Variants in ERBB4 observed in about 807,000 individuals in gnomAD.
ERBB4 encodes erb-b2 receptor tyrosine kinase 4.
Under a neutral mutation model 158.0 loss-of-function variants are expected in ERBB4, and 42 were observed. That is an observed-to-expected ratio of 0.27 (90% CI 0.21 to 0.34). The LOEUF is 0.34. Among genes scored for constraint, ERBB4 ranks in the 10% least tolerant of loss-of-function variants. ERBB4 has a pLI of 1.00. For synonymous variants in ERBB4, 583 were observed against 558.7 expected, an observed-to-expected ratio of 1.04 and a Z score of -0.61; for missense variants, 1,333 against 1,624.1, an observed-to-expected ratio of 0.82 and a Z score of 3.08.
intron 2 of ERBB4, among the ~76,000 whole-genome samples, chr2:211,981,085 A>G (rs2081780377): frequency 6.9e-6 from 1 of 145,446 alleles, no homozygotes; most frequent in Non-Finnish European, 1.5e-5. Flanking sequence ...AAAATTAACA[A>G]TATTATCTAC....
In ERBB4 at chr2:211,563,585, T is replaced by C. The variant is rs78018644; in HGVS notation, c.2302-1497A>G. On this transcript the variant is annotated intron_variant, in intron 19 of 27. Coordinates refer to ENST00000342788, the MANE Select transcript of ERBB4 (RefSeq NM_005235.3). ...AATATATAAAACATTCTTGGGATAA[T>C]TGAGGAAATCTAAATAGGGACTATA... 8.0e-3 allele frequency among the ~76,000 whole-genome samples: 1,214 copies of C among 152,276 alleles called. 15 individuals carry two copies. Among genetic ancestry groups the C allele is most frequent in the South Asian group, 0.038 (181 of 4,822 alleles).
intron 2 of ERBB4, among the ~76,000 whole-genome samples, chr2:211,965,216 T>C (rs2081280647): frequency 6.6e-6 from 1 of 152,188 alleles, no homozygotes; most frequent in Non-Finnish European, 1.5e-5. Flanking sequence ...ACTGAAAATA[T>C]TATGCTTTTT....
At position 211,849,819 on chromosome 2, in the gene ERBB4, C is replaced by T. The variant is rs147637217; in HGVS notation, c.422-61660G>A. The stretch of plus-strand genomic sequence containing the variant: ...AGAGTAGAACCAAAAGTATATCTTA[C>T]TGCCCAGCAAAATGCAAATGAGGTG... On this transcript the variant is annotated intron_variant, in intron 3 of 27. Transcript: ENST00000342788. Among the ~76,000 whole-genome samples the T allele has an allele frequency of 2.5e-3, 371 of 146,886 alleles. 2 individuals carry two copies. The highest frequency in any genetic ancestry group is 8.9e-3 in the African/African-American group (358 of 40,210).
At chr2:211,729,600 C>A (rs574944275) in intron 5 of ERBB4, among the ~76,000 whole-genome samples, 2 of 151,784 alleles carry the variant, frequency 1.3e-5, no homozygotes, top group East Asian at 3.9e-4. Context: ...GGAAAGGCAC[C>A]ATAGAGTAAA....
chr2:211,669,030 C>T (rs1263757937), intron 14 of ERBB4, among the ~76,000 whole-genome samples: 1 of 151,766 alleles, frequency 6.6e-6, no homozygotes. Flanking sequence ...CAAGACCAAC[C>T]TGGGCAACAT....
intron 16 of ERBB4, among the ~76,000 whole-genome samples, chr2:211,648,485 A>G (rs1248724603): frequency 6.6e-6 from 1 of 151,832 alleles, no homozygotes; most frequent in East Asian, 1.9e-4. Context: ...TATCTTAGCC[A>G]ACATTTGACA....
chr2:212,046,316 G>A (rs1462435656), intron 2 of ERBB4, among the ~76,000 whole-genome samples: 1 of 152,188 alleles, frequency 6.6e-6, no homozygotes, highest in Non-Finnish European at 1.5e-5. Flanking sequence ...AGGCCCCAGA[G>A]AGGTGAAGCC....
chr2:211,414,500 TAAAAAAAAAA>T (rs71047174), intron 25 of ERBB4, among the ~76,000 whole-genome samples: 3 of 102,126 alleles, frequency 2.9e-5, no homozygotes, highest in Non-Finnish European at 4.1e-5. Context: ...CAGTCTCAAT[TAAAAAAAAAA>T]AAAAAAAAAA....
At chr2:212,340,448 G>A (rs2088653143) in intron 1 of ERBB4, among the ~76,000 whole-genome samples, 1 of 152,128 alleles carries the variant, frequency 6.6e-6, no homozygotes, top group Admixed American at 6.6e-5. Context: ...CCATAATGTA[G>A]AATCAGTGGG....
intron 1 of ERBB4, among the ~76,000 whole-genome samples, chr2:212,443,762 C>G (rs2092299685): frequency 6.6e-6 from 1 of 152,102 alleles, no homozygotes; most frequent in African/African-American, 2.4e-5. Context: ...TGGCAGGTCC[C>G]CATAGGTGAA....
At chr2:212,352,158 G>A (rs1004070051) in intron 1 of ERBB4, among the ~76,000 whole-genome samples, 2 of 151,966 alleles carry the variant, frequency 1.3e-5, no homozygotes, top group African/African-American at 4.8e-5. Context: ...AAACACTGGG[G>A]CCTCCTTGAA....
chr2:212,360,572 G>C (rs10497972), intron 1 of ERBB4, among the ~76,000 whole-genome samples: 25,903 of 151,410 alleles, frequency 0.17, 3,373 homozygotes, highest in African/African-American at 0.37. Flanking sequence ...CATATCATGG[G>C]CTCTCAGTAA....
At chr2:211,792,338 T>G (rs1471394380) in intron 3 of ERBB4, among the ~76,000 whole-genome samples, 1 of 151,646 alleles carries the variant, frequency 6.6e-6, no homozygotes, top group Non-Finnish European at 1.5e-5. Context: ...CAATAAATAT[T>G]TGATTAATTG....
In ERBB4 at chr2:211,382,261, C is replaced by CAA; in HGVS notation, c.*1353_*1354insTT. The CAA allele has an allele frequency of 4.3e-6, 1 of 231,944 alleles. No homozygotes were observed. The highest frequency in any genetic ancestry group is 8.5e-6 in the Non-Finnish European group (1 of 117,224). The allele number at this position is 231,944 out of a possible 1,614,324, so 14.4% of individuals were successfully genotyped here. A position where few individuals can be genotyped will look rare whatever the true frequency, so the allele number is the denominator to read the frequency against. On this transcript the variant is annotated 3_prime_UTR_variant, in exon 28 of 28. Coordinates refer to ENST00000342788, the MANE Select transcript of ERBB4 (RefSeq NM_005235.3). ...CATGGAATTCAAGCCAATCCTTACTCGCATTCCTTCTTACGAAGTATACGA... is the reference window on the plus strand; with the variant it reads ...CATGGAATTCAAGCCAATCCTTACTCAAGCATTCCTTCTTACGAAGTATACGA...
Position 211,953,465 on chromosome 2 carries a change from CAAAAAA to C in ERBB4, c.235-5855_235-5850del, listed in dbSNP as rs36024345. Among the ~76,000 whole-genome samples the C allele has an allele frequency of 5.8e-5, 5 of 85,566 alleles. No individual in the cohort carries two copies. The East Asian group carries it at 1.7e-3, about 29-fold the overall frequency. The allele number at this position is 85,566 out of a possible 152,430, so 56.1% of individuals were successfully genotyped here. On this transcript the variant is annotated intron_variant, in intron 2 of 27. Transcript: ENST00000342788. ...TTGATATTAAATAAAGGTTTTTCTC[CAAAAAA>C]AAAAAAAAAAAAAAAAGAAGAAGAA...
chr2:212,278,577 C>T (rs1445818088), intron 1 of ERBB4, among the ~76,000 whole-genome samples: 1 of 151,552 alleles, frequency 6.6e-6, no homozygotes, highest in African/African-American at 2.4e-5. Flanking sequence ...TACTTCTTCA[C>T]CATTGTGTAC....
At chr2:211,574,375 A>G (rs773903397) in intron 19 of ERBB4, among the ~76,000 whole-genome samples, 1 of 152,238 alleles carries the variant, frequency 6.6e-6, no homozygotes, top group Non-Finnish European at 1.5e-5. Context: ...AGAGAACTTC[A>G]AAGACTACAT....
At chr2:211,622,009 G>A (rs1200286553) in intron 18 of ERBB4, among the ~76,000 whole-genome samples, 1 of 151,986 alleles carries the variant, frequency 6.6e-6, no homozygotes, top group Admixed American at 6.6e-5. Context: ...ATTAGAATGG[G>A]AATTTATGGC....
At chr2:211,855,612 T>G (rs1260990797) in intron 3 of ERBB4, among the ~76,000 whole-genome samples, 3 of 152,166 alleles carry the variant, frequency 2.0e-5, no homozygotes, top group Non-Finnish European at 4.4e-5. Flanking sequence ...TACCAATTCT[T>G]TCATAAAGAC....
Sources: gnomAD v4.1 joint callset for allele counts (sites outside exome capture counted in the v4.1 genomes callset) on GRCh38, gnomAD v4.1.1 for gene constraint, MANE v1.5 for transcripts, NCBI Gene and HGNC (gene_info 2026-07-23, HGNC 2026-07-21) for gene names.